The following TRAF3 variants were observed in gnomAD, a reference collection of about 807,000 sequenced individuals.
TRAF3 encodes TNF receptor-associated factor 3.
TRAF3 carries 13 observed loss-of-function variants against 62.3 expected under a neutral mutation model. The observed-to-expected ratio is 0.21, with a 90% CI of 0.14 to 0.33. The LOEUF (loss-of-function observed/expected upper bound fraction) is 0.33, where lower values mean the gene tolerates loss of function less well. Ranked by LOEUF, TRAF3 falls within the 10% of genes least tolerant of loss-of-function variation. The pLI is 1.00. For missense variants in TRAF3, 440 were observed against 741.8 expected, an observed-to-expected ratio of 0.59 and a Z score of 4.73; for synonymous variants, 269 against 283.4, an observed-to-expected ratio of 0.95 and a Z score of 0.51.
intron 2 of TRAF3, among the ~76,000 whole-genome samples, chr14:102,862,987 C>G (rs1313743708): frequency 6.6e-6 from 1 of 151,894 alleles, no homozygotes; most frequent in Non-Finnish European, 1.5e-5. Flanking sequence ...TCAATATTTT[C>G]TATTCAGTGA....
At chr14:102,798,288 C>T (rs190230408) in intron 1 of TRAF3, among the ~76,000 whole-genome samples, 1 of 147,742 alleles carries the variant, frequency 6.8e-6, no homozygotes, top group African/African-American at 2.5e-5. Flanking sequence ...GTGGTGCGAT[C>T]ACAGCTCACT....
chr14:102,861,622 C>T (rs776479132), intron 2 of TRAF3, among the ~76,000 whole-genome samples: 2 of 152,050 alleles, frequency 1.3e-5, no homozygotes, highest in Non-Finnish European at 2.9e-5. Flanking sequence ...TGGGGCTTGC[C>T]AGGAAGATGT....
chr14:102,897,235 C>T, intron 9 of TRAF3, 26 bp from the exon 10 acceptor site: 3 of 1,598,486 alleles, frequency 1.9e-6, no homozygotes, highest in Non-Finnish European at 2.6e-6. Context: ...CTTTTGGTTA[C>T]ATTAATTAAA....
chr14:102,911,107 T>C lies in TRAF3; in HGVS notation c.*5323T>C, dbSNP rs1238989726. 3 of 152,264 alleles carry C rather than the reference T, an allele frequency of 2.0e-5. No homozygotes were observed. Among genetic ancestry groups the C allele is most frequent in the Non-Finnish European group, 4.4e-5 (3 of 68,052 alleles). 9.4% of individuals were successfully genotyped at this position (152,264 alleles called of 1,614,324 possible). ...GCCAATCTCTCATTTGACCCTGTCT[T>C]TTTAATCTGCCTGTTTTAAAAGTTG... On this transcript the variant is annotated 3_prime_UTR_variant, in exon 12 of 12. Transcript: ENST00000392745.
At chr14:102,784,297 A>G (rs1213174532) in intron 1 of TRAF3, among the ~76,000 whole-genome samples, 1 of 139,230 alleles carries the variant, frequency 7.2e-6, no homozygotes, top group Non-Finnish European at 1.5e-5. Flanking sequence ...ATCTCGACTC[A>G]CTGCAACCTC....
At chr14:102,835,690 G>A (rs1885957595) in intron 2 of TRAF3, among the ~76,000 whole-genome samples, 1 of 152,214 alleles carries the variant, frequency 6.6e-6, no homozygotes, top group Admixed American at 6.5e-5. Flanking sequence ...ACTTATAAGT[G>A]GGAGCTAAGT....
At chr14:102,812,249 T>C (rs1042732785) in intron 1 of TRAF3, among the ~76,000 whole-genome samples, 20 of 152,098 alleles carry the variant, frequency 1.3e-4, no homozygotes, top group African/African-American at 2.4e-5. Flanking sequence ...AGTGAGAACA[T>C]GTGGTGTTTA....
At chr14:102,868,855 A>G (rs1888159533) in intron 2 of TRAF3, among the ~76,000 whole-genome samples, 1 of 152,094 alleles carries the variant, frequency 6.6e-6, no homozygotes, top group Non-Finnish European at 1.5e-5. Flanking sequence ...CATTTACTTG[A>G]TCTTGAGGTC....
chr14:102,910,375 A>G lies in TRAF3; in HGVS notation c.*4591A>G, dbSNP rs540506227. On this transcript the variant is annotated 3_prime_UTR_variant, in exon 12 of 12. Coordinates refer to ENST00000392745, the MANE Select transcript of TRAF3 (RefSeq NM_145725.3). ...GAATGAGGGTCTGTCACCCAAATCT[A>G]CTTCTCAGCCCATGACCATAGTTCT... The G allele has an allele frequency of 6.6e-6, 1 of 152,244 alleles. No individual in the cohort carries two copies. Among genetic ancestry groups the G allele is most frequent in the Non-Finnish European group, 1.5e-5 (1 of 68,062 alleles). 9.4% of individuals were successfully genotyped at this position (152,244 alleles called of 1,614,324 possible). A position where few individuals can be genotyped will look rare whatever the true frequency, so the allele number is the denominator to read the frequency against.
At chr14:102,852,232 A>C (rs138173672) in intron 2 of TRAF3, among the ~76,000 whole-genome samples, 12 of 152,290 alleles carry the variant, frequency 7.9e-5, no homozygotes, top group African/African-American at 2.9e-4. Context: ...CCTTCTGAGC[A>C]GGCACTACAG....
chr14:102,810,508 C>G (rs1899055963), intron 1 of TRAF3, among the ~76,000 whole-genome samples: 1 of 152,166 alleles, frequency 6.6e-6, no homozygotes, highest in African/African-American at 2.4e-5. Context: ...ATGTGCTCTC[C>G]TGAACTTATA....
At chr14:102,869,847 G>C (rs919613985) in intron 2 of TRAF3, among the ~76,000 whole-genome samples, 1 of 151,574 alleles carries the variant, frequency 6.6e-6, no homozygotes, top group Middle Eastern at 3.4e-3. Flanking sequence ...GCCTCGCTCT[G>C]TTGCTCAGCC....
chr14:102,846,003 A>G (rs28522176), intron 2 of TRAF3, among the ~76,000 whole-genome samples: 8,825 of 147,404 alleles, frequency 0.06, 999 homozygotes, highest in African/African-American at 0.22. Flanking sequence ...AAAAAAAAAA[A>G]AAAAAATACT....
intron 6 of TRAF3, 137 bp from the exon 7 acceptor site, chr14:102,886,052 T>C: frequency 1.4e-6 from 1 of 711,968 alleles, no homozygotes; most frequent in Non-Finnish European, 2.5e-6. Flanking sequence ...GACTCAGCCA[T>C]ACGTAATGTG....
intron 1 of TRAF3, among the ~76,000 whole-genome samples, chr14:102,793,597 C>T (rs1438092551): frequency 1.3e-5 from 2 of 152,146 alleles, no homozygotes; most frequent in African/African-American, 4.8e-5. Context: ...CATGTACTTC[C>T]CCTCTTCTCA....
chr14:102,861,508 T>C (rs1887676939), intron 2 of TRAF3, among the ~76,000 whole-genome samples: 1 of 152,156 alleles, frequency 6.6e-6, no homozygotes, highest in South Asian at 2.1e-4. Context: ...TCTAACCCAA[T>C]CCCATCCTTT....
intron 2 of TRAF3, among the ~76,000 whole-genome samples, chr14:102,848,854 CTT>C (rs1886872601): frequency 6.6e-6 from 1 of 152,202 alleles, no homozygotes; most frequent in Admixed American, 6.5e-5. Flanking sequence ...GGCTCGATCG[CTT>C]TCTGGCTCAG....
chr14:102,861,477 C>CT (rs1887674485), intron 2 of TRAF3, among the ~76,000 whole-genome samples: 1 of 152,310 alleles, frequency 6.6e-6, no homozygotes, highest in East Asian at 1.9e-4. Context: ...AGGAGAGACT[C>CT]TAACTCTCCT....
At chr14:102,818,115 C>T (rs1005048531) in intron 1 of TRAF3, among the ~76,000 whole-genome samples, 1 of 152,148 alleles carries the variant, frequency 6.6e-6, no homozygotes, top group Non-Finnish European at 1.5e-5. Flanking sequence ...GCAACACTCG[C>T]CAGGGACATT....
Sources: allele counts gnomAD v4.1 joint callset (sites outside exome capture counted in the v4.1 genomes callset), GRCh38; gene constraint gnomAD v4.1.1; transcripts MANE v1.5; gene names NCBI Gene and HGNC (gene_info 2026-07-23, HGNC 2026-07-21).